Variants in HPGDS observed in about 807,000 individuals in gnomAD.
HPGDS encodes the protein hematopoietic prostaglandin D synthase.
A neutral mutation model predicts 23.1 loss-of-function variants in HPGDS; 26 were observed. The observed-to-expected ratio is 1.13, with a 90% CI of 0.83 to 1.56. The LOEUF (loss-of-function observed/expected upper bound fraction) is 1.56, where lower values mean the gene tolerates loss of function less well. Among genes scored for constraint, HPGDS ranks in the 40% most tolerant of loss-of-function variants. HPGDS has a pLI of 0.00. For synonymous variants in HPGDS, 95 were observed against 77.9 expected (o/e 1.22, Z -1.16); for missense variants, 268 against 236.4 (o/e 1.13, Z -0.88).
chr4:94,308,859 G>C (rs1756195755), intron 3 of HPGDS, 116 bp from the exon 4 acceptor site: 4 of 512,442 alleles, frequency 7.8e-6, no homozygotes, highest in Non-Finnish European at 1.0e-5. Flanking sequence ...ACAATATCCA[G>C]TGAAGACTAG....
intron 5 of HPGDS, among the ~76,000 whole-genome samples, chr4:94,301,343 T>A (rs901617037): frequency 6.6e-6 from 1 of 152,212 alleles, no homozygotes; most frequent in Non-Finnish European, 1.5e-5. Flanking sequence ...TTGTCTAACT[T>A]TTTTGTGATT....
At chr4:94,319,896 T>C (rs1756468899) in intron 2 of HPGDS, among the ~76,000 whole-genome samples, 1 of 152,208 alleles carries the variant, frequency 6.6e-6, no homozygotes, top group Non-Finnish European at 1.5e-5. Flanking sequence ...TATCTCCTAA[T>C]ACTATCCCTC....
chr4:94,308,706 A>C lies in HPGDS; in HGVS notation c.264T>G (p.Val88=). The change falls in exon 4 of 6, where the codon GTT becomes GTG. Residue 88 remains valine, a synonymous_variant. Transcript: ENST00000295256. The stretch of plus-strand genomic sequence containing the variant: ...CATCCAGAGTGTCCACAATAGCATC[A>C]ACATGACATTGTTCCATTTCTGTGT... ...AGNTEMEQCH[V]DAIVDTLDDF... is the part of the protein sequence containing the mutation. 1 of 1,608,030 alleles carries C rather than the reference A, an allele frequency of 6.2e-7. No individual in the cohort carries two copies. The highest frequency in any genetic ancestry group is 1.1e-5 in the South Asian group (1 of 90,508).
rs911759764 is a variant in HPGDS, at chr4:94,325,517, C to T, written c.134-7552G>A. Among the ~76,000 whole-genome samples, 23 of 152,268 alleles carry T rather than the reference C, an allele frequency of 1.5e-4. 1 individual carries two copies. Among genetic ancestry groups the T allele is most frequent in the African/African-American group, 5.3e-4 (22 of 41,566 alleles). On this transcript the variant is annotated intron_variant, in intron 2 of 5. Coordinates refer to ENST00000295256, the MANE Select transcript of HPGDS (RefSeq NM_014485.3). ...GACACCCCTCCCCCAGCTAGGCTGC[C>T]GCCTTGCAGTTCGATCTCAAACTGC...
chr4:94,331,733 A>T, intron 2 of HPGDS, among the ~76,000 whole-genome samples: 1 of 152,176 alleles, frequency 6.6e-6, no homozygotes, highest in African/African-American at 2.4e-5. Flanking sequence ...TGTCCTCAAG[A>T]CATGTCTGTT....
chr4:94,304,491 A>G (rs567781654), intron 4 of HPGDS, among the ~76,000 whole-genome samples: 2 of 152,236 alleles, frequency 1.3e-5, no homozygotes, highest in East Asian at 3.9e-4. Flanking sequence ...TTTAAGGTGT[A>G]TATGACAAGA....
intron 4 of HPGDS, among the ~76,000 whole-genome samples, chr4:94,305,158 G>C (rs1046745800): frequency 6.6e-6 from 1 of 151,898 alleles, no homozygotes; most frequent in African/African-American, 2.4e-5. Flanking sequence ...ATTTAATCCT[G>C]CCAACATACT....
chr4:94,320,675 T>C (rs565266235), intron 2 of HPGDS, among the ~76,000 whole-genome samples: 2 of 152,216 alleles, frequency 1.3e-5, no homozygotes, highest in Non-Finnish European at 2.9e-5. Flanking sequence ...ATTTGTCAGA[T>C]GGATAGATTG....
At chr4:94,339,149 A>C (rs997980381) in intron 1 of HPGDS, among the ~76,000 whole-genome samples, 1 of 152,216 alleles carries the variant, frequency 6.6e-6, no homozygotes, top group East Asian at 1.9e-4. Flanking sequence ...ACTTTCTATC[A>C]AACACAGAAA....
chr4:94,318,850 C>T (rs1756448646), intron 2 of HPGDS, among the ~76,000 whole-genome samples: 1 of 152,214 alleles, frequency 6.6e-6, no homozygotes, highest in African/African-American at 2.4e-5. Context: ...GTAGCCAGGA[C>T]TACAGGTTTG....
intron 2 of HPGDS, among the ~76,000 whole-genome samples, chr4:94,331,512 G>T (rs76434293): frequency 0.011 from 1,618 of 152,204 alleles, 24 homozygotes; most frequent in African/African-American, 0.036. Context: ...TGCATGGGAG[G>T]GGCTTGCCAA....
chr4:94,327,750 G>C (rs1466743440), intron 2 of HPGDS, among the ~76,000 whole-genome samples: 1 of 152,162 alleles, frequency 6.6e-6, no homozygotes, highest in African/African-American at 2.4e-5. Flanking sequence ...CCAAGGTTTG[G>C]GACACTACAT....
chr4:94,336,565 G>A (rs1721016320), intron 1 of HPGDS, among the ~76,000 whole-genome samples: 1 of 152,180 alleles, frequency 6.6e-6, no homozygotes, highest in South Asian at 2.1e-4. Context: ...CGCATATATA[G>A]ATATGTGGGG....
At position 94,318,277 on chromosome 4, in the gene HPGDS, T is replaced by C. The variant is rs559160136; in HGVS notation, c.134-312A>G. Among the ~76,000 whole-genome samples, 6 of 152,312 alleles carry C rather than the reference T, an allele frequency of 3.9e-5. No individual in the cohort carries two copies. The South Asian group carries it at 1.0e-3, about 26-fold the overall frequency. On this transcript the variant is annotated intron_variant, in intron 2 of 5. Transcript: ENST00000295256. ...AAAAATTAATTGTAAAACTTCATTA[T>C]TTTTTGCAGCCTCAATTGCAGATTA...
At chr4:94,312,648 A>G (rs893832157) in intron 3 of HPGDS, among the ~76,000 whole-genome samples, 4 of 152,154 alleles carry the variant, frequency 2.6e-5, no homozygotes, top group African/African-American at 7.2e-5. Flanking sequence ...GTAGATGTCT[A>G]TTAGGTCCAC....
At chr4:94,314,413 C>A (rs941087459) in intron 3 of HPGDS, among the ~76,000 whole-genome samples, 2 of 152,200 alleles carry the variant, frequency 1.3e-5, no homozygotes, top group African/African-American at 4.8e-5. Flanking sequence ...ACTCCGGACC[C>A]TTTTTGCCTG....
At chr4:94,300,452 G>T (rs528684207) in intron 5 of HPGDS, among the ~76,000 whole-genome samples, 1 of 152,276 alleles carries the variant, frequency 6.6e-6, no homozygotes, top group African/African-American at 2.4e-5. Context: ...AAGTTTAAAT[G>T]TGGCCCACTC....
intron 3 of HPGDS, among the ~76,000 whole-genome samples, chr4:94,312,946 C>T (rs182636459): frequency 5.1e-4 from 75 of 146,768 alleles, no homozygotes; most frequent in Admixed American, 8.2e-4. Context: ...TTATCAGAGA[C>T]TAGGATTGCA....
intron 1 of HPGDS, among the ~76,000 whole-genome samples, chr4:94,337,396 G>A (rs903474891): frequency 1.3e-5 from 2 of 151,984 alleles, no homozygotes; most frequent in African/African-American, 2.4e-5. Context: ...TTAGCATTAC[G>A]TGGGGCACCA....
Sources: gnomAD v4.1 joint callset for allele counts (sites outside exome capture counted in the v4.1 genomes callset) on GRCh38, gnomAD v4.1.1 for gene constraint, MANE v1.5 for transcripts, NCBI Gene and HGNC (gene_info 2026-07-23, HGNC 2026-07-21) for gene names.